MCC: variants seen among roughly 807,000 people sequenced by gnomAD.
MCC encodes MCC regulator of Wnt signaling pathway.
Under a neutral mutation model 116.2 loss-of-function variants are expected in MCC, and 90 were observed. That is an observed-to-expected ratio of 0.77 (90% CI 0.65 to 0.92). MCC has a LOEUF of 0.92. Among genes scored for constraint, MCC ranks in the 40% least tolerant of loss-of-function variants. MCC has a pLI of 0.00. For missense variants in MCC, 1,516 were observed against 1,312.2 expected, an observed-to-expected ratio of 1.16 and a Z score of -2.40; for synonymous variants, 578 against 510.5, an observed-to-expected ratio of 1.13 and a Z score of -1.78.
chr5:113,106,959 T>C (rs1756773663), intron 6 of MCC, among the ~76,000 whole-genome samples: 1 of 152,180 alleles, frequency 6.6e-6, no homozygotes, highest in Non-Finnish European at 1.5e-5. Context: ...CCATTCCCTA[T>C]CTTCTTATCC....
intron 1 of MCC, among the ~76,000 whole-genome samples, chr5:113,452,309 T>A (rs993989954): frequency 7.2e-5 from 11 of 152,246 alleles, no homozygotes; most frequent in African/African-American, 2.7e-4. Context: ...AGCTATATGC[T>A]GTGGTCTCAG....
intron 6 of MCC, among the ~76,000 whole-genome samples, chr5:113,121,912 C>T (rs996000098): frequency 1.3e-4 from 19 of 151,926 alleles, no homozygotes; most frequent in African/African-American, 4.4e-4. Context: ...CCCTCAACCT[C>T]GATCTCTTTC....
chr5:113,266,156 C>G (rs1363568691), intron 3 of MCC, among the ~76,000 whole-genome samples: 2 of 151,946 alleles, frequency 1.3e-5, no homozygotes, highest in African/African-American at 4.8e-5. Flanking sequence ...TAAAAAATAA[C>G]TATATTATTT....
At chr5:113,229,349 C>T (rs182906288) in intron 3 of MCC, among the ~76,000 whole-genome samples, 1 of 152,306 alleles carries the variant, frequency 6.6e-6, no homozygotes, top group East Asian at 1.9e-4. Flanking sequence ...GTTAAATATC[C>T]TGTAAGTAAA....
At chr5:113,426,198 G>T (rs1189994133) in intron 1 of MCC, among the ~76,000 whole-genome samples, 4 of 152,110 alleles carry the variant, frequency 2.6e-5, no homozygotes, top group Admixed American at 2.6e-4. Flanking sequence ...CAGGGTGCTT[G>T]GAACTCACTC....
At position 113,144,748 on chromosome 5, in the gene MCC, C is replaced by T. The variant is rs1009444099; in HGVS notation, c.742-1388G>A. Among the ~76,000 whole-genome samples the T allele has an allele frequency of 2.0e-5, 3 of 152,190 alleles. No individual in the cohort carries two copies. In the South Asian group the frequency reaches 6.2e-4, roughly 32 times the overall value. On this transcript the variant is annotated intron_variant, in intron 4 of 18. Coordinates refer to ENST00000408903, the MANE Select transcript of MCC (RefSeq NM_001085377.2). ...CTTCCTGGGGGTTACCTTGGAGCTC[C>T]AGAAACAAGATTGGAGGCAACAAGG...
chr5:113,185,676 C>T (rs992393350), intron 3 of MCC, among the ~76,000 whole-genome samples: 7 of 152,204 alleles, frequency 4.6e-5, no homozygotes, highest in African/African-American at 1.4e-4. Context: ...GCTTTACAAA[C>T]TTCAACCTCT....
rs754329093 is a variant in MCC, at chr5:113,068,089, A to T, written c.2020T>A (p.Ser674Thr). The part of the protein sequence containing the change: ...LGQFRAAGVG[S>T]SPGDQSGDEN... Reference sequence around the variant, plus strand: ...CTCTGGAGACACTTACCAGGGGAGGACCCCACGCCCGCCGCTCGGAACTGC... The same window carrying T: ...CTCTGGAGACACTTACCAGGGGAGGTCCCCACGCCCGCCGCTCGGAACTGC... Residue 674 changes from serine to threonine, a missense_variant, in exon 13 of 19, where the codon TCC (serine) becomes ACC (threonine). Physicochemically the swap from Ser to Thr is moderately conservative, Grantham distance 58. Coordinates refer to ENST00000408903, the MANE Select transcript of MCC (RefSeq NM_001085377.2). 6.2e-7 allele frequency: 1 copy of T among 1,608,998 alleles called. No homozygotes were observed. Among genetic ancestry groups the T allele is most frequent in the Non-Finnish European group, 8.5e-7 (1 of 1,177,758 alleles).
At chr5:113,428,991 TG>T (rs1770553000) in intron 1 of MCC, among the ~76,000 whole-genome samples, 1 of 152,212 alleles carries the variant, frequency 6.6e-6, no homozygotes, top group South Asian at 2.1e-4. Flanking sequence ...GTAATAATGT[TG>T]GGTCAGAATT....
At chr5:113,128,172 C>G (rs963172146) in intron 5 of MCC, among the ~76,000 whole-genome samples, 2 of 152,228 alleles carry the variant, frequency 1.3e-5, no homozygotes, top group African/African-American at 4.8e-5. Context: ...TGTCATGTCA[C>G]TAACTATCCA....
intron 2 of MCC, among the ~76,000 whole-genome samples, chr5:113,361,041 A>G (rs1242994400): frequency 6.6e-6 from 1 of 152,226 alleles, no homozygotes. Context: ...TTGGGACAAG[A>G]CAATTTGTGG....
At chr5:113,060,568 A>C (rs956468428) in intron 14 of MCC, among the ~76,000 whole-genome samples, 6 of 152,224 alleles carry the variant, frequency 3.9e-5, no homozygotes, top group African/African-American at 1.4e-4. Flanking sequence ...TGAGAGTCCT[A>C]GAATGGAGAA....
At chr5:113,244,837 C>A (rs1051394600) in intron 3 of MCC, among the ~76,000 whole-genome samples, 1 of 152,208 alleles carries the variant, frequency 6.6e-6, no homozygotes, top group Non-Finnish European at 1.5e-5. Context: ...TGTATAAGCA[C>A]AGCACTACCC....
chr5:113,452,544 A>G (rs1771430300), intron 1 of MCC, among the ~76,000 whole-genome samples: 1 of 152,220 alleles, frequency 6.6e-6, no homozygotes, highest in Admixed American at 6.5e-5. Context: ...CCCTTACCAG[A>G]GACTGAATCT....
intron 3 of MCC, among the ~76,000 whole-genome samples, chr5:113,283,536 A>G (rs1228501438): frequency 6.6e-6 from 1 of 152,198 alleles, no homozygotes; most frequent in Non-Finnish European, 1.5e-5. Flanking sequence ...AAAGAAACGG[A>G]AAAGAACAAG....
chr5:113,163,990 A>G (rs1376755271), intron 3 of MCC, among the ~76,000 whole-genome samples: 5 of 152,216 alleles, frequency 3.3e-5, no homozygotes, highest in Admixed American at 6.5e-5. Flanking sequence ...TAATAAACAT[A>G]TATTAGTATT....
chr5:113,307,216 C>T (rs965666540), intron 3 of MCC, among the ~76,000 whole-genome samples: 5 of 152,098 alleles, frequency 3.3e-5, no homozygotes, highest in Non-Finnish European at 5.9e-5. Context: ...TAGGCGTGCA[C>T]GGAGTCTGTA....
chr5:113,125,891 A>C (rs1008441298), intron 5 of MCC, among the ~76,000 whole-genome samples: 1 of 152,144 alleles, frequency 6.6e-6, no homozygotes, highest in Non-Finnish European at 1.5e-5. Flanking sequence ...AATGCCTCCC[A>C]AAAAAACACC....
chr5:113,438,668 T>C (rs1000220443), intron 1 of MCC, among the ~76,000 whole-genome samples: 6 of 152,160 alleles, frequency 3.9e-5, no homozygotes, highest in Non-Finnish European at 7.3e-5. Context: ...TATTATACCT[T>C]AGAATATCCC....
Sources: allele counts gnomAD v4.1 joint callset (sites outside exome capture counted in the v4.1 genomes callset), GRCh38; gene constraint gnomAD v4.1.1; transcripts MANE v1.5; gene names NCBI Gene and HGNC (gene_info 2026-07-23, HGNC 2026-07-21).